The following DLG2 variants were observed in gnomAD, a reference collection of about 807,000 sequenced individuals.
DLG2 encodes discs large MAGUK scaffold protein 2, also known as disks large homolog 2.
Under a neutral mutation model 132.5 loss-of-function variants are expected in DLG2, and 45 were observed. The ratio of observed to expected loss-of-function variants is 0.34; its 90% CI spans 0.27 to 0.44. The LOEUF (loss-of-function observed/expected upper bound fraction) is 0.44. Ranked by LOEUF, DLG2 falls within the 20% of genes least tolerant of loss-of-function variation. DLG2 has a pLI of 1.00. For missense variants in DLG2, 1,045 were observed against 1,196.9 expected (o/e 0.87, Z 1.87); for synonymous variants, 424 against 419.6 (o/e 1.01, Z -0.13).
intron 21 of DLG2, among the ~76,000 whole-genome samples, chr11:83,502,913 GA>G (rs1457380845): frequency 2.6e-5 from 4 of 152,004 alleles, no homozygotes; most frequent in African/African-American, 9.7e-5. Context: ...TCTCTTGTTA[GA>G]AGGCTTTCCT....
At chr11:83,472,290 A>G (rs577037382) in intron 23 of DLG2, among the ~76,000 whole-genome samples, 3 of 152,132 alleles carry the variant, frequency 2.0e-5, no homozygotes, top group Non-Finnish European at 2.9e-5. Context: ...CCTTGTCAGT[A>G]GCAATTAGCC....
intron 2 of DLG2, among the ~76,000 whole-genome samples, chr11:85,600,948 G>A (rs954611474): frequency 6.6e-6 from 1 of 152,110 alleles, no homozygotes; most frequent in African/African-American, 2.4e-5. Context: ...AATTTCCAAA[G>A]TCTAAATATT....
At chr11:85,085,197 G>C (rs2067759107) in intron 6 of DLG2, among the ~76,000 whole-genome samples, 1 of 152,038 alleles carries the variant, frequency 6.6e-6, no homozygotes, top group Non-Finnish European at 1.5e-5. Context: ...TCTTACTCTG[G>C]TACTGCACTG....
intron 18 of DLG2, among the ~76,000 whole-genome samples, chr11:83,757,472 G>A (rs1223469733): frequency 1.3e-5 from 2 of 152,202 alleles, no homozygotes; most frequent in Non-Finnish European, 2.9e-5. Flanking sequence ...CTGGGACCCA[G>A]AGGTGGGATC....
intron 6 of DLG2, among the ~76,000 whole-genome samples, chr11:84,764,859 T>C (rs1173372163): frequency 2.0e-5 from 3 of 152,144 alleles, no homozygotes; most frequent in East Asian, 3.9e-4. Context: ...TACTGGTAAG[T>C]AAAGATGAAA....
intron 12 of DLG2, among the ~76,000 whole-genome samples, chr11:83,969,332 T>C (rs1284572983): frequency 2.0e-5 from 3 of 152,158 alleles, no homozygotes; most frequent in African/African-American, 7.2e-5. Flanking sequence ...CATATAAAAG[T>C]AGAATAAATT....
At chr11:83,691,050 TG>T (rs1257408129) in intron 18 of DLG2, among the ~76,000 whole-genome samples, 7 of 152,344 alleles carry the variant, frequency 4.6e-5, no homozygotes, top group Admixed American at 3.3e-4. Flanking sequence ...TGTATATGAC[TG>T]GAGTCTACTG....
chr11:84,279,463 TA>T (rs1490249663), intron 7 of DLG2, among the ~76,000 whole-genome samples: 1 of 152,222 alleles, frequency 6.6e-6, no homozygotes, highest in Non-Finnish European at 1.5e-5. Context: ...ACTCGGTATA[TA>T]CCCAAAGGAT....
intron 6 of DLG2, among the ~76,000 whole-genome samples, chr11:84,576,562 T>A (rs150360249): frequency 3.9e-5 from 6 of 152,230 alleles, no homozygotes; most frequent in Non-Finnish European, 7.4e-5. Flanking sequence ...GAGTACAACA[T>A]ATTGCAGTCA....
intron 7 of DLG2, among the ~76,000 whole-genome samples, chr11:84,522,253 C>G (rs2099305271): frequency 6.6e-6 from 1 of 151,928 alleles, no homozygotes; most frequent in Non-Finnish European, 1.5e-5. Flanking sequence ...TAGAAAATCT[C>G]TAAAGCACCA....
At chr11:83,526,408 C>A (rs1399026177) in intron 21 of DLG2, among the ~76,000 whole-genome samples, 3 of 152,160 alleles carry the variant, frequency 2.0e-5, no homozygotes, top group Non-Finnish European at 4.4e-5. Context: ...TCTCAGAAAC[C>A]CACTTCTGAA....
intron 14 of DLG2, among the ~76,000 whole-genome samples, chr11:83,958,531 A>T (rs2087548453): frequency 6.6e-6 from 1 of 152,212 alleles, no homozygotes; most frequent in African/African-American, 2.4e-5. Context: ...CCTGGGTTTC[A>T]TAATGCTATT....
chr11:83,566,712 G>GGTGTGTGT lies in DLG2; in HGVS notation c.1941-24862_1941-24855dup, dbSNP rs59829516. Among the ~76,000 whole-genome samples the GGTGTGTGT allele has an allele frequency of 6.4e-3, 921 of 144,032 alleles. 7 individuals are homozygous for GGTGTGTGT. Among genetic ancestry groups the GGTGTGTGT allele is most frequent in the Middle Eastern group, 0.014 (4 of 276 alleles). The allele number at this position is 144,032 out of a possible 152,430, so 94.5% of individuals were successfully genotyped here. A position where few individuals can be genotyped will look rare whatever the true frequency, so the allele number is the denominator to read the frequency against. ...GATAAAAGCTAAGGGCAGAGGGCATGGTGTGTGTGTGTGTGTGTGTGTGTG... is the reference window on the plus strand; with the variant it reads ...GATAAAAGCTAAGGGCAGAGGGCATGGTGTGTGTGTGTGTGTGTGTGTGTGTGTGTGTG... On this transcript the variant is annotated intron_variant, in intron 19 of 27. Transcript: ENST00000376104.
At chr11:85,162,557 T>C (rs1048219769) in intron 4 of DLG2, among the ~76,000 whole-genome samples, 4 of 152,250 alleles carry the variant, frequency 2.6e-5, no homozygotes, top group Non-Finnish European at 5.9e-5. Flanking sequence ...TGTAAGCATA[T>C]ATACGCTTGT....
intron 6 of DLG2, among the ~76,000 whole-genome samples, chr11:85,101,687 T>C (rs1024707227): frequency 3.3e-5 from 5 of 152,114 alleles, no homozygotes; most frequent in African/African-American, 4.8e-5. Flanking sequence ...ATTCTATTAG[T>C]AGCTTTGTAC....
chr11:84,843,707 T>C (rs1356685970), intron 6 of DLG2, among the ~76,000 whole-genome samples: 2 of 151,872 alleles, frequency 1.3e-5, no homozygotes, highest in Non-Finnish European at 2.9e-5. Context: ...GGTAATGCTA[T>C]GGAAATAGTT....
chr11:85,256,319 C>T (rs2076662331), intron 4 of DLG2, among the ~76,000 whole-genome samples: 1 of 152,168 alleles, frequency 6.6e-6, no homozygotes, highest in South Asian at 2.1e-4. Flanking sequence ...GACCAAACTC[C>T]AGGCGAAGAT....
intron 6 of DLG2, among the ~76,000 whole-genome samples, chr11:84,841,084 G>C (rs1052321322): frequency 5.3e-5 from 8 of 151,558 alleles, no homozygotes; most frequent in African/African-American, 1.7e-4. Flanking sequence ...AATAAAAAGA[G>C]TGCAGTAAAA....
intron 8 of DLG2, among the ~76,000 whole-genome samples, chr11:84,216,307 C>T (rs2096834909): frequency 6.6e-6 from 1 of 152,104 alleles, no homozygotes; most frequent in African/African-American, 2.4e-5. Context: ...CCAGGATAAT[C>T]TCCCTATTTT....
Sources: allele counts gnomAD v4.1 joint callset (sites outside exome capture counted in the v4.1 genomes callset), GRCh38; gene constraint gnomAD v4.1.1; transcripts MANE v1.5; gene names NCBI Gene and HGNC (gene_info 2026-07-23, HGNC 2026-07-21).